IL31: variants seen among roughly 807,000 people sequenced by gnomAD.
IL31 encodes interleukin 31.
Under a neutral mutation model 7.8 loss-of-function variants are expected in IL31, and 8 were observed. That is an observed-to-expected ratio of 1.02 (90% CI 0.60 to 1.84). IL31 has a LOEUF of 1.84. IL31 is among the 40% of genes most tolerant of loss of function. IL31 has a pLI of 0.00. For missense variants in IL31, 162 were observed against 205.6 expected, an observed-to-expected ratio of 0.79 and a Z score of 1.30; for synonymous variants, 87 against 86.5, an observed-to-expected ratio of 1.01 and a Z score of -0.03.
At position 122,172,805 on chromosome 12, in the gene IL31, A is replaced by C; in HGVS notation, c.166-64T>G. ...ATGACAGCTGCAAGTCTTAACAGTGAATGTTTGCATGCTTCCTCCGTAACC... is the reference window on the plus strand; with the variant it reads ...ATGACAGCTGCAAGTCTTAACAGTGCATGTTTGCATGCTTCCTCCGTAACC... On this transcript the variant is annotated intron_variant, in intron 2 of 2. Coordinates refer to ENST00000377035, the MANE Select transcript of IL31 (RefSeq NM_001014336.2). 5.5e-6 allele frequency: 7 copies of C among 1,282,546 alleles called. No individual in the cohort carries two copies. The South Asian group carries it at 9.6e-5, about 18-fold the overall frequency. 79.4% of individuals were successfully genotyped at this position (1,282,546 alleles called of 1,614,324 possible).
At chr12:122,174,084 G>A (rs1593139711) in intron 1 of IL31, 73 bp downstream of exon 1, 1 of 1,613,604 alleles carries the variant, frequency 6.2e-7, no homozygotes, top group East Asian at 2.2e-5. Flanking sequence ...AACCCTGGGG[G>A]TAGTGCTTCC....
At chr12:122,173,511 C>G (rs907907955) in intron 2 of IL31, among the ~76,000 whole-genome samples, 3 of 152,170 alleles carry the variant, frequency 2.0e-5, no homozygotes, top group Non-Finnish European at 4.4e-5. Context: ...TGGAGAAACT[C>G]TGTCTCTACT....
chr12:122,173,474 A>T (rs1312228577), intron 2 of IL31, among the ~76,000 whole-genome samples: 3 of 152,228 alleles, frequency 2.0e-5, no homozygotes, highest in Admixed American at 6.5e-5. Context: ...ACTTGAGGTC[A>T]GGAGTTCAAG....
In IL31 at chr12:122,173,920, C is replaced by T. The variant is rs755248798; in HGVS notation, c.89G>A (p.Arg30His). The T allele has an allele frequency of 1.8e-5, 29 of 1,614,042 alleles. No individual in the cohort carries two copies. Among genetic ancestry groups the T allele is most frequent in the Admixed American group, 5.0e-5 (3 of 59,990 alleles). ...TACATCATCACTTGGTCGTAGTAAACGGACGGGCAACGTGTGGGAGGCCAG... is the reference window on the plus strand; with the variant it reads ...TACATCATCACTTGGTCGTAGTAAATGGACGGGCAACGTGTGGGAGGCCAG... ...GWLASHTLPV[R>H]LLRPSDDVQK... Residue 30 changes from arginine to histidine, a missense_variant, in exon 2 of 3, where the codon CGT (arginine) becomes CAT (histidine). Physicochemically the swap from Arg to His is conservative, Grantham distance 29. Transcript: ENST00000377035.
intron 2 of IL31, among the ~76,000 whole-genome samples, chr12:122,173,624 C>T (rs1156344467): frequency 6.6e-6 from 1 of 151,090 alleles, no homozygotes; most frequent in East Asian, 1.9e-4. Context: ...GCAGAGGTTG[C>T]AGTGAGCCAA....
chr12:122,174,055 C>A (rs887586398), intron 1 of IL31, 63 bp from the exon 2 acceptor site: 4 of 1,612,624 alleles, frequency 2.5e-6, no homozygotes, highest in Admixed American at 1.7e-5. Flanking sequence ...TGGCTCCATC[C>A]CTGCAGCCCT....
At position 122,173,206 on chromosome 12, in the gene IL31, C is replaced by T. The variant is rs79586103; in HGVS notation, c.166-465G>A. On this transcript the variant is annotated intron_variant, in intron 2 of 2. Coordinates refer to ENST00000377035, the MANE Select transcript of IL31 (RefSeq NM_001014336.2). The stretch of plus-strand genomic sequence containing the variant: ...CTCCCTCCCTTCCTCTTTCTAAGTA[C>T]TAACTAGAGTCAGACCAAATTGCCA... Among the ~76,000 whole-genome samples, 281 of 152,218 alleles carry T rather than the reference C, an allele frequency of 1.8e-3. 3 individuals are homozygous for T. The highest frequency in any genetic ancestry group is 6.4e-3 in the African/African-American group (267 of 41,514).
chr12:122,173,149 GT>G (rs147335002), intron 2 of IL31, among the ~76,000 whole-genome samples: 2 of 152,022 alleles, frequency 1.3e-5, no homozygotes, highest in Non-Finnish European at 2.9e-5. Flanking sequence ...GCAGGCGAGA[GT>G]TTTCCCCAAC....
chr12:122,172,872 T>C (rs1953501609), intron 2 of IL31, 131 bp from the exon 3 acceptor site: 5 of 744,304 alleles, frequency 6.7e-6, no homozygotes, highest in Non-Finnish European at 1.1e-5. Flanking sequence ...CACAACCCTA[T>C]GAGGCTGTGC....
At chr12:122,174,021 T>C in intron 1 of IL31, 29 bp from the exon 2 acceptor site, 3 of 1,613,588 alleles carry the variant, frequency 1.9e-6, no homozygotes, top group Non-Finnish European at 2.5e-6. Context: ...CGTGAGCGCA[T>C]ACATCACACA....
Position 122,172,427 on chromosome 12 carries a change from T to C in IL31, c.480A>G (p.Gln160=). The change falls in exon 3 of 3, where the codon CAA becomes CAG. Residue 160 remains glutamine (Q), a synonymous_variant. Coordinates refer to ENST00000377035, the MANE Select transcript of IL31 (RefSeq NM_001014336.2). ...LALKSLTSGA[Q]QATT is the part of the protein sequence containing the mutation. Reference sequence around the variant, plus strand: ...AGAGATGGCCTTAAGTGGTGGCCTGTTGGGCTCCAGAGGTCAATGATTTTA... The same window carrying C: ...AGAGATGGCCTTAAGTGGTGGCCTGCTGGGCTCCAGAGGTCAATGATTTTA... 1 of 1,612,978 alleles carries C rather than the reference T, an allele frequency of 6.2e-7. No homozygotes were observed. Among genetic ancestry groups the C allele is most frequent in the Non-Finnish European group, 8.5e-7 (1 of 1,179,152 alleles).
rs750048316 is a variant in IL31, at chr12:122,172,592, A to G, written c.315T>C (p.Asp105=). The G allele has an allele frequency of 6.2e-7, 1 of 1,614,066 alleles. No homozygotes were observed. Among genetic ancestry groups the G allele is most frequent in the Non-Finnish European group, 8.5e-7 (1 of 1,180,038 alleles). Residue 105 remains aspartate, a synonymous_variant, in exon 3 of 3, where the codon GAT becomes GAC. Coordinates refer to ENST00000377035, the MANE Select transcript of IL31 (RefSeq NM_001014336.2). ...GTTTGTCGAGGTGCTCTATGATCTCATCAATAACAGATTTGTTGTCTAGCT... is the reference window on the plus strand; with the variant it reads ...GTTTGTCGAGGTGCTCTATGATCTCGTCAATAACAGATTTGTTGTCTAGCT... ...IRQLDNKSVI[D]EIIEHLDKLI... is the part of the protein sequence containing the mutation.
In IL31 at chr12:122,173,880, C is replaced by T. The variant is rs764002284; in HGVS notation, c.129G>A (p.Glu43=). The T allele has an allele frequency of 1.9e-6, 3 of 1,614,084 alleles. No homozygotes were observed. The highest frequency in any genetic ancestry group is 2.5e-6 in the Non-Finnish European group (3 of 1,179,982). Residue 43 remains glutamate (E), a synonymous_variant, in exon 2 of 3, where the codon GAG becomes GAA. Transcript: ENST00000377035. ...GCATCTTCGAGAGGGACTGTAATTC[C>T]TCGACTATTTTCTGTACATCATCAC... is the stretch of plus-strand genomic sequence containing the variant. ...RPSDDVQKIV[E]ELQSLSKMLL...
chr12:122,172,672 G>C lies in IL31; in HGVS notation c.235C>G (p.Pro79Ala). 6.2e-7 allele frequency: 1 copy of C among 1,614,120 alleles called. No individual in the cohort carries two copies. Among genetic ancestry groups the C allele is most frequent in the South Asian group, 1.1e-5 (1 of 91,086 alleles). Reference sequence around the variant, plus strand: ...GCTGGGCTGTGGATGTTGTTTGGCGGCTGGGCGTCAGGGCTGAGACACGGC... The same window carrying C: ...GCTGGGCTGTGGATGTTGTTTGGCGCCTGGGCGTCAGGGCTGAGACACGGC... ...TLPCLSPDAQPPNNIHSPAIR... is the reference protein window; with the variant it reads ...TLPCLSPDAQAPNNIHSPAIR... Residue 79 changes from proline to alanine, a missense_variant, in exon 3 of 3, where the codon CCG (proline) becomes GCG (alanine). Coordinates refer to ENST00000377035, the MANE Select transcript of IL31 (RefSeq NM_001014336.2).
chr12:122,172,758 A>G lies in IL31; in HGVS notation c.166-17T>C. 1 of 1,584,286 alleles carries G rather than the reference A, an allele frequency of 6.3e-7. No individual in the cohort carries two copies. Among genetic ancestry groups the G allele is most frequent in the South Asian group, 1.1e-5 (1 of 88,566 alleles). On this transcript the variant is annotated splice_polypyrimidine_tract_variant and intron_variant, in intron 2 of 2. Coordinates refer to ENST00000377035, the MANE Select transcript of IL31 (RefSeq NM_001014336.2). Reference sequence around the variant, plus strand: ...TTCCTCCACCTGTGGAATGAGGAGAAATGGTCAGTGTTGGGTTTGCAATGA... The same window carrying G: ...TTCCTCCACCTGTGGAATGAGGAGAGATGGTCAGTGTTGGGTTTGCAATGA...
In IL31 at chr12:122,172,584, A is replaced by G. The variant is rs776209361; in HGVS notation, c.323T>C (p.Ile108Thr). 9.9e-6 allele frequency: 16 copies of G among 1,614,072 alleles called. No individual in the cohort carries two copies. The highest frequency in any genetic ancestry group is 4.4e-5 in the South Asian group (4 of 91,092). The part of the protein sequence containing the change: ...LDNKSVIDEI[I>T]EHLDKLIFQD... ...AAATATGAGTTTGTCGAGGTGCTCT[A>G]TGATCTCATCAATAACAGATTTGTT... is the stretch of plus-strand genomic sequence containing the variant. Residue 108 changes from isoleucine (I) to threonine (T), a missense_variant, in exon 3 of 3, where the codon ATA becomes ACA. Coordinates refer to ENST00000377035, the MANE Select transcript of IL31 (RefSeq NM_001014336.2).
chr12:122,174,189 G>A lies in IL31; in HGVS notation c.-17C>T, dbSNP rs533053310. 3.7e-6 allele frequency: 6 copies of A among 1,614,084 alleles called. No individual in the cohort carries two copies. The highest frequency in any genetic ancestry group is 2.2e-5 in the South Asian group (2 of 91,076). The stretch of plus-strand genomic sequence containing the variant: ...AGAGGCCATGGCGAGAGAGAGCAAG[G>A]CCAGCTTCAGTGGGGGCTTCTGGAG... On this transcript the variant is annotated 5_prime_UTR_variant, in exon 1 of 3. Transcript: ENST00000377035.
At chr12:122,173,369 T>G (rs80350322) in intron 2 of IL31, among the ~76,000 whole-genome samples, 5 of 152,142 alleles carry the variant, frequency 3.3e-5, no homozygotes, top group East Asian at 1.9e-4. Context: ...GTTTCCAAGT[T>G]TGGGCATTTG....
chr12:122,173,800 A>AT, intron 2 of IL31, 44 bp downstream of exon 2: 2 of 1,580,348 alleles, frequency 1.3e-6, no homozygotes, highest in Non-Finnish European at 1.7e-6. Context: ...AATGGAAGGC[A>AT]TTTTTAAGAA....
Sources: gnomAD v4.1 joint callset for allele counts (sites outside exome capture counted in the v4.1 genomes callset) on GRCh38, gnomAD v4.1.1 for gene constraint, MANE v1.5 for transcripts, NCBI Gene and HGNC (gene_info 2026-07-23, HGNC 2026-07-21) for gene names.